The following JARID2 variants were observed in gnomAD, a reference collection of about 807,000 sequenced individuals.
JARID2 encodes the protein protein Jumonji.
Under a neutral mutation model 125.6 loss-of-function variants are expected in JARID2, and 21 were observed. That is an observed-to-expected ratio of 0.17 (90% CI 0.12 to 0.24). JARID2 has a LOEUF of 0.24. JARID2 is among the 10% of genes least tolerant of loss of function. The pLI is 1.00. For missense variants in JARID2, 1,303 were observed against 1,639.6 expected (o/e 0.79, Z 3.55); for synonymous variants, 736 against 661.6 (o/e 1.11, Z -1.73).
At chr6:15,379,762 G>A (rs1764507666) in intron 2 of JARID2, among the ~76,000 whole-genome samples, 1 of 152,118 alleles carries the variant, frequency 6.6e-6, no homozygotes, top group African/African-American at 2.4e-5. Context: ...TTATAGGTGA[G>A]GAAACTATAT....
intron 3 of JARID2, among the ~76,000 whole-genome samples, chr6:15,436,827 C>T (rs1337444680): frequency 2.6e-5 from 4 of 151,696 alleles, no homozygotes; most frequent in Non-Finnish European, 4.4e-5. Context: ...TTTTTTCCCC[C>T]ATAATGTTTA....
chr6:15,480,765 T>A (rs1303725948), intron 5 of JARID2, among the ~76,000 whole-genome samples: 1 of 152,202 alleles, frequency 6.6e-6, no homozygotes, highest in Non-Finnish European at 1.5e-5. Context: ...CCAGCTGGTC[T>A]GTAGTTCAGG....
chr6:15,470,992 C>T (rs868718843), intron 5 of JARID2, among the ~76,000 whole-genome samples: 17 of 152,260 alleles, frequency 1.1e-4, no homozygotes, highest in Middle Eastern at 3.4e-3. Flanking sequence ...AAGTTCTGAA[C>T]GATTCCTTTG....
At chr6:15,478,417 C>T (rs545329407) in intron 5 of JARID2, among the ~76,000 whole-genome samples, 18 of 152,110 alleles carry the variant, frequency 1.2e-4, no homozygotes, top group African/African-American at 3.6e-4. Context: ...TAGAGAGGGC[C>T]GACTGTATTT....
chr6:15,318,458 C>T (rs1478085685), intron 1 of JARID2, among the ~76,000 whole-genome samples: 2 of 152,130 alleles, frequency 1.3e-5, no homozygotes, highest in Non-Finnish European at 2.9e-5. Flanking sequence ...CAAGAACTTC[C>T]AGGTTTTTGT....
chr6:15,371,806 C>G (rs191321816), intron 1 of JARID2, among the ~76,000 whole-genome samples: 2 of 152,186 alleles, frequency 1.3e-5, no homozygotes, highest in South Asian at 2.1e-4. Context: ...CCTTCATGTC[C>G]GAACCCTGAC....
intron 1 of JARID2, 81 bp downstream of exon 1, chr6:15,246,665 C>A (rs12527988): frequency 0.13 from 164,844 of 1,250,658 alleles, 12,332 homozygotes; most frequent in Admixed American, 0.27. Context: ...ATAATTCTGC[C>A]TCTGAAGGGT....
rs114365069 is a variant in JARID2, at chr6:15,419,775, A to G, written c.323+9410A>G. Among the ~76,000 whole-genome samples, 495 of 152,308 alleles carry G rather than the reference A, an allele frequency of 3.2e-3. 2 individuals carry two copies. Among genetic ancestry groups the G allele is most frequent in the African/African-American group, 0.011 (467 of 41,572 alleles). On this transcript the variant is annotated intron_variant, in intron 3 of 17. Coordinates refer to ENST00000341776, the MANE Select transcript of JARID2 (RefSeq NM_004973.4). Reference sequence around the variant, plus strand: ...TTATTTTCATAGCTTTGTAGGAGCAATCATTTACCACAATTTTCTTTTGAA... The same window carrying G: ...TTATTTTCATAGCTTTGTAGGAGCAGTCATTTACCACAATTTTCTTTTGAA...
At chr6:15,420,105 G>C (rs1766416195) in intron 3 of JARID2, among the ~76,000 whole-genome samples, 1 of 152,054 alleles carries the variant, frequency 6.6e-6, no homozygotes, top group Non-Finnish European at 1.5e-5. Context: ...TTTTATCTCA[G>C]ACATTGTTAT....
intron 1 of JARID2, among the ~76,000 whole-genome samples, chr6:15,283,232 C>T (rs1760844270): frequency 6.6e-6 from 1 of 150,850 alleles, no homozygotes; most frequent in African/African-American, 2.4e-5. Flanking sequence ...CCCACCTTGG[C>T]CTCCCAAAGT....
chr6:15,484,865 G>A (rs1320301408), intron 5 of JARID2, among the ~76,000 whole-genome samples: 1 of 152,062 alleles, frequency 6.6e-6, no homozygotes, highest in Non-Finnish European at 1.5e-5. Context: ...TAAAAAAAAA[G>A]CAACTACTTC....
chr6:15,331,211 C>T (rs1395936122), intron 1 of JARID2, among the ~76,000 whole-genome samples: 1 of 151,900 alleles, frequency 6.6e-6, no homozygotes, highest in Non-Finnish European at 1.5e-5. Context: ...GCACACACCT[C>T]TAACCCCAAC....
intron 1 of JARID2, among the ~76,000 whole-genome samples, chr6:15,297,761 C>T (rs1352714260): frequency 1.3e-5 from 2 of 152,142 alleles, no homozygotes; most frequent in African/African-American, 4.8e-5. Context: ...TTTCAGACTT[C>T]GTTTCCCACA....
At position 15,377,927 on chromosome 6, in the gene JARID2, C is replaced by G. The variant is rs1764424716; in HGVS notation, c.181+3675C>G. Among the ~76,000 whole-genome samples the G allele has an allele frequency of 2.0e-5, 3 of 149,816 alleles. No homozygotes were observed. In the South Asian group the frequency reaches 6.3e-4, roughly 32 times the overall value. On this transcript the variant is annotated intron_variant, in intron 2 of 17. Transcript: ENST00000341776. ...TTTGAGATGGAGTTTCCCTCTGTTG[C>G]CTGGCTGGAGTACAGTGGCGCTATC...
At chr6:15,427,769 C>T (rs1011537548) in intron 3 of JARID2, among the ~76,000 whole-genome samples, 1 of 152,058 alleles carries the variant, frequency 6.6e-6, no homozygotes, top group African/African-American at 2.4e-5. Context: ...ACGTGAAAGG[C>T]ACTAGATGCT....
chr6:15,471,764 G>T (rs925009372), intron 5 of JARID2, among the ~76,000 whole-genome samples: 23 of 152,120 alleles, frequency 1.5e-4, no homozygotes, highest in Non-Finnish European at 2.6e-4. Flanking sequence ...CTATCTGGCA[G>T]CATGTTACAT....
intron 6 of JARID2, among the ~76,000 whole-genome samples, chr6:15,495,669 C>T (rs964237490): frequency 6.6e-6 from 1 of 152,186 alleles, no homozygotes; most frequent in Non-Finnish European, 1.5e-5. Flanking sequence ...ACAGAAATAG[C>T]AGACATGACT....
At chr6:15,274,829 A>T (rs1444289886) in intron 1 of JARID2, among the ~76,000 whole-genome samples, 1 of 152,128 alleles carries the variant, frequency 6.6e-6, no homozygotes, top group Non-Finnish European at 1.5e-5. Flanking sequence ...GTCCTTGTGC[A>T]TATTAGTGGG....
Position 15,511,351 on chromosome 6 carries a change from C to T in JARID2, c.2902C>T (p.Leu968=). ...GCTGGAAGATGTGGTCCACACCCTG[C>T]TGCAAGCCAATGGCACCCCAGGGCT... ...NKLEDVVHTL[L]QANGTPGLQM... The change falls in exon 13 of 18, where the codon CTG becomes TTG. Residue 968 remains leucine (L), a synonymous_variant. Coordinates refer to ENST00000341776, the MANE Select transcript of JARID2 (RefSeq NM_004973.4). 1.2e-6 allele frequency: 2 copies of T among 1,613,978 alleles called. No homozygotes were observed. The highest frequency in any genetic ancestry group is 1.7e-6 in the Non-Finnish European group (2 of 1,179,986).
Sources: allele counts gnomAD v4.1 joint callset (sites outside exome capture counted in the v4.1 genomes callset), GRCh38; gene constraint gnomAD v4.1.1; transcripts MANE v1.5; gene names NCBI Gene and HGNC (gene_info 2026-07-23, HGNC 2026-07-21).